The following ITPK1 variants were observed in gnomAD, a reference collection of about 807,000 sequenced individuals.
The protein encoded by ITPK1 is inositol-tetrakisphosphate 1-kinase, also known as inositol 1,3,4-trisphosphate 5/6-kinase.
ITPK1 carries 21 observed loss-of-function variants against 45.3 expected under a neutral mutation model. The ratio of observed to expected loss-of-function variants is 0.46; its 90% CI spans 0.33 to 0.67. The LOEUF is 0.67. ITPK1 is among the 30% of genes least tolerant of loss of function. ITPK1 has a pLI of 0.02. For missense variants in ITPK1, 474 were observed against 573.5 expected (o/e 0.83, Z 1.77); for synonymous variants, 258 against 253.6 (o/e 1.02, Z -0.16).
At chr14:93,101,838 C>A (rs993396128) in intron 2 of ITPK1, among the ~76,000 whole-genome samples, 56 of 152,132 alleles carry the variant, frequency 3.7e-4, no homozygotes, top group African/African-American at 9.2e-4. Flanking sequence ...TGAACCCCAC[C>A]CCCAGGGTGA....
chr14:93,105,933 G>A (rs1892506818), intron 2 of ITPK1, among the ~76,000 whole-genome samples: 1 of 152,042 alleles, frequency 6.6e-6, no homozygotes. Context: ...TTGAACTCCT[G>A]ACCTCAGGTG....
chr14:93,038,999 C>T (rs912075480), intron 3 of ITPK1, among the ~76,000 whole-genome samples: 7 of 152,226 alleles, frequency 4.6e-5, no homozygotes, highest in South Asian at 2.1e-4. Flanking sequence ...CAGTTTTTCT[C>T]TGAACTGAGC....
At chr14:93,033,880 G>A (rs934090037) in intron 3 of ITPK1, among the ~76,000 whole-genome samples, 1 of 152,144 alleles carries the variant, frequency 6.6e-6, no homozygotes, top group African/African-American at 2.4e-5. Context: ...AGCTAGGGCA[G>A]GAATGATGCA....
intron 2 of ITPK1, among the ~76,000 whole-genome samples, chr14:93,106,021 T>C (rs976806813): frequency 4.6e-5 from 7 of 152,184 alleles, no homozygotes; most frequent in African/African-American, 1.7e-4. Flanking sequence ...GTCTCTTTTG[T>C]TGGGCAAGTT....
chr14:92,973,746 C>T (rs543107456), intron 5 of ITPK1, among the ~76,000 whole-genome samples: 6 of 152,310 alleles, frequency 3.9e-5, no homozygotes, highest in South Asian at 4.1e-4. Context: ...GTGGGAGGGC[C>T]GCACAGGCCT....
chr14:93,076,908 C>T lies in ITPK1; in HGVS notation c.96-289G>A, dbSNP rs536545467. On this transcript the variant is annotated intron_variant, in intron 2 of 10. Transcript: ENST00000267615. The surrounding 1 kb of genome is among the most constrained non-coding windows in gnomAD (Gnocchi z 4.3). ...ACTCCTGGGCCGGGCCTCTGTCAGC[C>T]GAGCTCCAGCCTGGGTCGTCCCAAG... is the stretch of plus-strand genomic sequence containing the variant. Among the ~76,000 whole-genome samples the T allele has an allele frequency of 1.3e-5, 2 of 152,264 alleles. No individual in the cohort carries two copies. Among genetic ancestry groups the T allele is most frequent in the East Asian group, 1.9e-4 (1 of 5,184 alleles).
chr14:93,099,309 A>G (rs909953536), intron 2 of ITPK1, among the ~76,000 whole-genome samples: 1 of 152,234 alleles, frequency 6.6e-6, no homozygotes, highest in South Asian at 2.1e-4. Context: ...CCCAGGATCC[A>G]GCAAAAAGAC....
intron 5 of ITPK1, among the ~76,000 whole-genome samples, chr14:92,979,132 C>T (rs1323274742): frequency 6.6e-6 from 1 of 152,214 alleles, no homozygotes; most frequent in African/African-American, 2.4e-5. Context: ...TATTTTGGAG[C>T]TTTAAGATTT....
In ITPK1 at chr14:93,012,127, G is replaced by A. The variant is rs550304324; in HGVS notation, c.246+4549C>T. The stretch of plus-strand genomic sequence containing the variant: ...GCACCCCATGAAAGGCCGCCCCAGC[G>A]CATGACCAGCACTGGGCATGCGCCG... On this transcript the variant is annotated intron_variant, in intron 4 of 10. Transcript: ENST00000267615. The surrounding 1 kb of genome is among the most constrained non-coding windows in gnomAD (Gnocchi z 4.9). Among the ~76,000 whole-genome samples, 3 of 152,192 alleles carry A rather than the reference G, an allele frequency of 2.0e-5. No individual in the cohort carries two copies. The highest frequency in any genetic ancestry group is 4.1e-4 in the South Asian group (2 of 4,824).
chr14:93,113,327 G>C (rs1041903055), intron 2 of ITPK1, among the ~76,000 whole-genome samples: 1 of 152,202 alleles, frequency 6.6e-6, no homozygotes, highest in African/African-American at 2.4e-5. Flanking sequence ...GGTCCAGCAC[G>C]AGGACCTAGT....
At chr14:93,090,580 A>C (rs901042611) in intron 2 of ITPK1, among the ~76,000 whole-genome samples, 3 of 152,084 alleles carry the variant, frequency 2.0e-5, no homozygotes, top group African/African-American at 7.2e-5. Context: ...CTCAAGATAG[A>C]GAGGAATGAG....
chr14:93,033,683 A>G (rs1889173543), intron 3 of ITPK1, among the ~76,000 whole-genome samples: 1 of 152,206 alleles, frequency 6.6e-6, no homozygotes, highest in South Asian at 2.1e-4. Context: ...GGAAAGGCAG[A>G]GAGGAGAAAG....
intron 10 of ITPK1, among the ~76,000 whole-genome samples, chr14:92,942,331 C>T (rs1048939160): frequency 1.3e-5 from 2 of 152,134 alleles, no homozygotes; most frequent in Non-Finnish European, 2.9e-5. Context: ...CTCCTGAGGC[C>T]CAGCTGAGTC....
chr14:92,970,826 G>A (rs1885611075), intron 5 of ITPK1, among the ~76,000 whole-genome samples: 1 of 152,062 alleles, frequency 6.6e-6, no homozygotes, highest in African/African-American at 2.4e-5. Context: ...TAGTAGAGAT[G>A]GGGTTTCACC....
At chr14:93,095,298 A>G (rs928648172) in intron 2 of ITPK1, among the ~76,000 whole-genome samples, 9 of 152,214 alleles carry the variant, frequency 5.9e-5, no homozygotes, top group Non-Finnish European at 1.3e-4. Flanking sequence ...GGAACTTTAT[A>G]CCATTAATAA....
intron 3 of ITPK1, among the ~76,000 whole-genome samples, chr14:93,041,626 A>G (rs1889566152): frequency 6.6e-6 from 1 of 152,236 alleles, no homozygotes; most frequent in African/African-American, 2.4e-5. Context: ...GCCCCTGCCC[A>G]GCCCACACCC....
At chr14:93,059,487 C>T (rs1355283432) in intron 3 of ITPK1, among the ~76,000 whole-genome samples, 6 of 53,614 alleles carry the variant, frequency 1.1e-4, no homozygotes, top group Admixed American at 2.4e-4. Context: ...GGAGGGGGTG[C>T]GGGTCTCAAG....
At chr14:93,000,111 C>G (rs1006299134) in intron 4 of ITPK1, among the ~76,000 whole-genome samples, 1 of 152,196 alleles carries the variant, frequency 6.6e-6, no homozygotes, top group African/African-American at 2.4e-5. Flanking sequence ...TAGTACTTCA[C>G]GGCATGGTGT....
At chr14:92,950,065 G>A (rs1368829128) in intron 9 of ITPK1, among the ~76,000 whole-genome samples, 1 of 152,242 alleles carries the variant, frequency 6.6e-6, no homozygotes, top group African/African-American at 2.4e-5. Flanking sequence ...GAGAGGCGAC[G>A]CGACTCGCCT....
Sources: gnomAD v4.1 joint callset for allele counts (sites outside exome capture counted in the v4.1 genomes callset) on GRCh38, gnomAD v4.1.1 for gene constraint, Gnocchi (gnomAD v3.1) non-coding constraint, MANE v1.5 for transcripts, NCBI Gene and HGNC (gene_info 2026-07-23, HGNC 2026-07-21) for gene names.